Variants in CSGALNACT1 observed in about 807,000 individuals in gnomAD.
The protein encoded by CSGALNACT1 is beta4GalNAcT-1.
Under a neutral mutation model 51.0 loss-of-function variants are expected in CSGALNACT1, and 52 were observed. That is an observed-to-expected ratio of 1.02 (90% CI 0.82 to 1.29). The LOEUF (loss-of-function observed/expected upper bound fraction) is 1.29, where lower values mean the gene tolerates loss of function less well. Ranked by LOEUF, CSGALNACT1 falls within the 50% of genes most tolerant of loss-of-function variation. The pLI, the probability that CSGALNACT1 is intolerant of heterozygous loss-of-function variation, is 0.00. For missense variants in CSGALNACT1, 935 were observed against 679.2 expected (o/e 1.38, Z -4.19); for synonymous variants, 341 against 254.4 (o/e 1.34, Z -3.24).
At chr8:19,436,647 C>T (rs910476888) in intron 6 of CSGALNACT1, among the ~76,000 whole-genome samples, 1 of 151,974 alleles carries the variant, frequency 6.6e-6, no homozygotes, top group Non-Finnish European at 1.5e-5. Flanking sequence ...AGGATCACAC[C>T]CATAATCCCA....
intron 1 of CSGALNACT1, among the ~76,000 whole-genome samples, chr8:19,627,781 C>T (rs1211580001): frequency 6.6e-6 from 1 of 152,182 alleles, no homozygotes; most frequent in African/African-American, 2.4e-5. Context: ...GCTATGGTTA[C>T]ACCACTGCAC....
chr8:19,514,478 T>TATATATATATATATATATATAC (rs2079094129), intron 3 of CSGALNACT1, among the ~76,000 whole-genome samples: 3 of 59,390 alleles, frequency 5.1e-5, no homozygotes, highest in African/African-American at 2.0e-4. Flanking sequence ...ACAGAGACTA[T>TATATATATATATATATATATAC]ATATATATAT....
At chr8:19,627,733 G>C (rs190224513) in intron 1 of CSGALNACT1, among the ~76,000 whole-genome samples, 1,932 of 152,262 alleles carry the variant, frequency 0.013, 24 homozygotes, top group Middle Eastern at 0.024. Flanking sequence ...GCTCAGGTGG[G>C]AGGATCACTT....
chr8:19,538,104 G>A (rs1164233396), intron 3 of CSGALNACT1, among the ~76,000 whole-genome samples: 2 of 152,044 alleles, frequency 1.3e-5, no homozygotes, highest in Non-Finnish European at 2.9e-5. Context: ...GATGCTTGAG[G>A]CCAGGAGTTC....
rs1333219100 is a variant in CSGALNACT1 at position 19,682,510 on chromosome 8, C to T, written c.-581G>A. The T allele has an allele frequency of 1.3e-4, 49 of 391,064 alleles. No individual in the cohort carries two copies. In the Admixed American group the frequency reaches 1.3e-3, roughly 11 times the overall value. 24.2% of individuals were successfully genotyped at this position (391,064 alleles called of 1,614,324 possible). A position where few individuals can be genotyped will look rare whatever the true frequency, so the allele number is the denominator to read the frequency against. On this transcript the variant is annotated 5_prime_UTR_variant, in exon 1 of 10. Transcript: ENST00000332246. ...TCAAAAAGATGACACCTGTTGTCAC[C>T]CCTGCCCGGGGACGTATGGTCTTTC...
chr8:19,671,832 TC>T (rs34351542), intron 1 of CSGALNACT1, among the ~76,000 whole-genome samples: 18 of 152,260 alleles, frequency 1.2e-4, no homozygotes, highest in African/African-American at 4.1e-4. Context: ...TTGGCTTTTT[TC>T]CCACTTATTA....
chr8:19,505,298 C>A, exon 4 of CSGALNACT1: 1 of 1,614,194 alleles, frequency 6.2e-7, no homozygotes, highest in Non-Finnish European at 8.5e-7. Flanking sequence ...CTTCCACCAA[C>A]TCATCCCGCT....
rs2072636758 is a variant in CSGALNACT1, at chr8:19,485,442, G to A, written c.634+19759C>T. Among the ~76,000 whole-genome samples, 4 of 152,016 alleles carry A rather than the reference G, an allele frequency of 2.6e-5. No individual in the cohort carries two copies. In the South Asian group the frequency reaches 8.3e-4, roughly 32 times the overall value. ...CTCAACAGACCCCGTCTTGGCCAAG[G>A]GATCCCCAGAGAAACCCTGGAAGCT... On this transcript the variant is annotated intron_variant, in intron 4 of 9. Coordinates refer to ENST00000454498, the Ensembl canonical transcript of CSGALNACT1.
intron 1 of CSGALNACT1, among the ~76,000 whole-genome samples, chr8:19,751,273 C>A (rs190022192): frequency 5.7e-4 from 86 of 152,184 alleles, no homozygotes; most frequent in Non-Finnish European, 1.1e-3. Context: ...CGTTCTCATC[C>A]GTAAAACGCA....
At chr8:19,746,412 T>C (rs995188298) in intron 1 of CSGALNACT1, among the ~76,000 whole-genome samples, 2 of 152,176 alleles carry the variant, frequency 1.3e-5, no homozygotes, top group African/African-American at 4.8e-5. Flanking sequence ...CCTAATGATG[T>C]TGCAGAGCCC....
chr8:19,505,178 C>G (rs754864477), intron 4 of CSGALNACT1, 23 bp downstream of exon 3: 3 of 1,613,834 alleles, frequency 1.9e-6, no homozygotes, highest in African/African-American at 2.7e-5. Context: ...TTCTCCTTTC[C>G]CCCCAATTCA....
At chr8:19,682,247 C>A (rs2060673996) in intron 1 of CSGALNACT1, among the ~76,000 whole-genome samples, 1 of 152,132 alleles carries the variant, frequency 6.6e-6, no homozygotes, top group South Asian at 2.1e-4. Flanking sequence ...TGCCTCGGGT[C>A]CAGCAAGTGT....
intron 4 of CSGALNACT1, among the ~76,000 whole-genome samples, chr8:19,461,582 A>T (rs183474076): frequency 1.2e-5 from 1 of 80,676 alleles, no homozygotes; most frequent in Non-Finnish European, 2.8e-5. Flanking sequence ...CACATTCACC[A>T]TGGGGGGCGT....
At chr8:19,627,078 T>C (rs1030840010) in intron 1 of CSGALNACT1, among the ~76,000 whole-genome samples, 2 of 152,192 alleles carry the variant, frequency 1.3e-5, no homozygotes, top group Non-Finnish European at 2.9e-5. Flanking sequence ...AATGAAAACA[T>C]TCTCACATAA....
At chr8:19,497,910 C>T (rs534209306) in intron 4 of CSGALNACT1, among the ~76,000 whole-genome samples, 1 of 152,098 alleles carries the variant, frequency 6.6e-6, no homozygotes, top group African/African-American at 2.4e-5. Flanking sequence ...GACCGGGAAG[C>T]CCCCTCCCCG....
chr8:19,449,332 A>C (rs1252397266), intron 5 of CSGALNACT1, among the ~76,000 whole-genome samples: 1 of 152,220 alleles, frequency 6.6e-6, no homozygotes, highest in African/African-American at 2.4e-5. Flanking sequence ...GCTCTGTTGT[A>C]CAAAGTGAAA....
At chr8:19,435,320 C>A (rs1408507987) in intron 6 of CSGALNACT1, among the ~76,000 whole-genome samples, 1 of 152,026 alleles carries the variant, frequency 6.6e-6, no homozygotes, top group Non-Finnish European at 1.5e-5. Context: ...TGGTGAAACC[C>A]CATCTCTTCT....
At chr8:19,653,261 CCTT>C (rs2057979288) in intron 1 of CSGALNACT1, among the ~76,000 whole-genome samples, 1 of 152,134 alleles carries the variant, frequency 6.6e-6, no homozygotes. Flanking sequence ...GTTCTCCTAT[CCTT>C]CTAAGGGAGG....
intron 1 of CSGALNACT1, among the ~76,000 whole-genome samples, chr8:19,674,217 T>C (rs188768316): frequency 9.5e-4 from 145 of 152,088 alleles, no homozygotes; most frequent in Non-Finnish European, 1.7e-3. Flanking sequence ...TGTTCGAACC[T>C]GGGAGGTGGA....
Sources: allele counts gnomAD v4.1 joint callset (sites outside exome capture counted in the v4.1 genomes callset), GRCh38; gene constraint gnomAD v4.1.1; transcripts MANE v1.5; gene names NCBI Gene and HGNC (gene_info 2026-07-23, HGNC 2026-07-21).